The following RASA3 variants were observed in gnomAD, a reference collection of about 807,000 sequenced individuals.
The protein encoded by RASA3 is RAS p21 protein activator 3, also known as ras GTPase-activating protein 3.
RASA3 carries 73 observed loss-of-function variants against 110.0 expected under a neutral mutation model. The observed-to-expected ratio is 0.66, with a 90% CI of 0.55 to 0.81. RASA3 has a LOEUF of 0.81. RASA3 is among the 30% of genes least tolerant of loss of function. The pLI is 0.00. For synonymous variants in RASA3, 500 were observed against 451.4 expected (o/e 1.11, Z -1.37); for missense variants, 976 against 1,113.2 (o/e 0.88, Z 1.75).
chr13:113,998,677 C>G (rs2053312051), intron 20 of RASA3, among the ~76,000 whole-genome samples: 1 of 152,228 alleles, frequency 6.6e-6, no homozygotes, highest in Non-Finnish European at 1.5e-5. Flanking sequence ...GGATTCCCGC[C>G]AGAAATGCAT....
intron 3 of RASA3, among the ~76,000 whole-genome samples, chr13:114,046,871 T>C (rs1195329844): frequency 2.0e-5 from 3 of 152,198 alleles, no homozygotes; most frequent in African/African-American, 7.2e-5. Context: ...AACAAAGGGA[T>C]GTCTACATGG....
chr13:114,005,781 C>G (rs369104573), intron 18 of RASA3, among the ~76,000 whole-genome samples: 8,823 of 98,296 alleles, frequency 0.09, 1,484 homozygotes, highest in Middle Eastern at 0.18. Flanking sequence ...CCTTCTCCCC[C>G]CTCCTGCCCT....
intron 1 of RASA3, among the ~76,000 whole-genome samples, chr13:114,087,642 A>T (rs1052619403): frequency 6.6e-6 from 1 of 152,202 alleles, no homozygotes; most frequent in Non-Finnish European, 1.5e-5. Flanking sequence ...CAGAGCCCCA[A>T]GTCTCAGTGG....
chr13:114,013,931 TCTCC>T (rs1258644525), intron 14 of RASA3, among the ~76,000 whole-genome samples: 2 of 105,224 alleles, frequency 1.9e-5, no homozygotes, highest in African/African-American at 3.5e-5. Flanking sequence ...TCCGTCTCTC[TCTCC>T]CTGTCTCTAT....
chr13:114,023,591 T>A (rs2053971697), intron 8 of RASA3, among the ~76,000 whole-genome samples: 1 of 152,212 alleles, frequency 6.6e-6, no homozygotes, highest in African/African-American at 2.4e-5. Context: ...AAGGGCACAT[T>A]CTGACGCCTG....
At chr13:114,035,144 A>C (rs2054256199) in intron 4 of RASA3, among the ~76,000 whole-genome samples, 1 of 152,252 alleles carries the variant, frequency 6.6e-6, no homozygotes, top group African/African-American at 2.4e-5. Flanking sequence ...AGAACAGAAA[A>C]CAGAAGTCAG....
At chr13:114,095,294 A>T (rs1928452) in intron 1 of RASA3, among the ~76,000 whole-genome samples, 56,006 of 152,020 alleles carry the variant, frequency 0.37, 10,273 homozygotes, top group Middle Eastern at 0.45. Context: ...AAGTGTAAAC[A>T]CAGTGGTTTT....
rs1594398181 is a variant in RASA3 at position 114,056,594 on chromosome 13, G to A, written c.174-4439C>T. ...TCTGCTTGGCAGTGGGGGGCTCGGT[G>A]GGGGGAGGCCCGTGCTGGCTGGGCA... On this transcript the variant is annotated intron_variant, in intron 2 of 23. Coordinates refer to ENST00000334062, the MANE Select transcript of RASA3 (RefSeq NM_007368.4). This position sits in a 1 kb window ranked among gnomAD's most constrained non-coding sequence, Gnocchi z 5.7. The A allele has an allele frequency of 2.0e-6, 2 of 985,056 alleles. No homozygotes were observed. Among genetic ancestry groups the A allele is most frequent in the East Asian group, 2.3e-4 (2 of 8,780 alleles). 61.0% of individuals were successfully genotyped at this position (985,056 alleles called of 1,614,324 possible).
chr13:114,121,769 A>C (rs1334443953), intron 1 of RASA3, among the ~76,000 whole-genome samples: 1 of 152,178 alleles, frequency 6.6e-6, no homozygotes, highest in South Asian at 2.1e-4. Context: ...TTTATGGCCC[A>C]TTGCGCTAGC....
chr13:113,996,417 T>C (rs1387338856), intron 21 of RASA3, 114 bp downstream of exon 21: 42 of 1,108,402 alleles, frequency 3.8e-5, no homozygotes, highest in Non-Finnish European at 5.0e-5. Flanking sequence ...AGGGCAGCCC[T>C]GTTTATGTGC....
intron 13 of RASA3, among the ~76,000 whole-genome samples, chr13:114,015,554 C>T (rs372002522): frequency 1.3e-5 from 2 of 152,240 alleles, no homozygotes; most frequent in African/African-American, 4.8e-5. Flanking sequence ...GTCGGCTCCC[C>T]GGCTCGGCCC....
At position 114,104,549 on chromosome 13, in the gene RASA3, G is replaced by A. The variant is rs117334503; in HGVS notation, c.55+27886C>T. ...AACTCCGGTGGCGGGCACACCCAGC[G>A]CAATTACAGGGCGAGCATCCGATGC... On this transcript the variant is annotated intron_variant, in intron 1 of 23. Coordinates refer to ENST00000334062, the MANE Select transcript of RASA3 (RefSeq NM_007368.4). 9.6e-3 allele frequency among the ~76,000 whole-genome samples: 1,462 copies of A among 152,182 alleles called. 18 individuals are homozygous for A. Among genetic ancestry groups the A allele is most frequent in the Middle Eastern group, 0.058 (17 of 294 alleles).
chr13:114,118,050 A>T (rs1216115444), intron 1 of RASA3, among the ~76,000 whole-genome samples: 1 of 152,076 alleles, frequency 6.6e-6, no homozygotes, highest in Non-Finnish European at 1.5e-5. Context: ...AGCCGTTTAG[A>T]AGTGCCTTAA....
intron 1 of RASA3, among the ~76,000 whole-genome samples, chr13:114,119,550 G>A (rs551483196): frequency 5.3e-4 from 54 of 101,182 alleles, no homozygotes; most frequent in African/African-American, 1.8e-3. Context: ...GCGTCGATCA[G>A]GGCCCCTCCC....
intron 4 of RASA3, among the ~76,000 whole-genome samples, chr13:114,038,368 G>A (rs886493827): frequency 2.0e-5 from 3 of 152,280 alleles, no homozygotes; most frequent in Non-Finnish European, 2.9e-5. Flanking sequence ...CTTGTGCTCC[G>A]GGGATGCGAG....
In RASA3 at chr13:114,048,586, C is replaced by T. The variant is rs2079092543; in HGVS notation, c.277+3466G>A. On this transcript the variant is annotated intron_variant, in intron 3 of 23. Coordinates refer to ENST00000334062, the MANE Select transcript of RASA3 (RefSeq NM_007368.4). The surrounding 1 kb of genome is among the most constrained non-coding windows in gnomAD (Gnocchi z 4.3). ...TCCCAGCTGCGGGGAGCCATAGTTT[C>T]CGGTCTGTGCTCTGTGAGGGCAGCG... Among the ~76,000 whole-genome samples, 3 of 152,218 alleles carry T rather than the reference C, an allele frequency of 2.0e-5. No homozygotes were observed. Among genetic ancestry groups the T allele is most frequent in the Admixed American group, 2.0e-4 (3 of 15,292 alleles).
chr13:114,079,711 A>C (rs957773921), intron 1 of RASA3, among the ~76,000 whole-genome samples: 1 of 151,808 alleles, frequency 6.6e-6, no homozygotes, highest in African/African-American at 2.4e-5. Flanking sequence ...GTGGGTAGAG[A>C]CCCCTCTCCG....
intron 1 of RASA3, 63 bp from the exon 2 acceptor site, chr13:114,073,900 C>T (rs567429978): frequency 1.5e-6 from 2 of 1,364,830 alleles, no homozygotes; most frequent in African/African-American, 2.9e-5. Flanking sequence ...TGCTACATCG[C>T]AGACACGTTT....
At chr13:114,041,462 G>A (rs1024735696) in intron 3 of RASA3, among the ~76,000 whole-genome samples, 3 of 152,280 alleles carry the variant, frequency 2.0e-5, no homozygotes, top group Admixed American at 6.5e-5. Context: ...CTGTGAAGGC[G>A]CGAACGTCCG....
Sources: gnomAD v4.1 joint callset for allele counts (sites outside exome capture counted in the v4.1 genomes callset) on GRCh38, gnomAD v4.1.1 for gene constraint, Gnocchi (gnomAD v3.1) non-coding constraint, MANE v1.5 for transcripts, NCBI Gene and HGNC (gene_info 2026-07-23, HGNC 2026-07-21) for gene names.